The following RAB7B variants were observed in gnomAD, a reference collection of about 807,000 sequenced individuals.
RAB7B encodes the protein RAB7B, member RAS oncogene family.
In RAB7B at chr1:205,985,543, C is replaced by A; in HGVS notation, c.519G>T (p.Ser173=). ...AFEMLASRAL[S]RYQSILENHL... is the part of the protein sequence containing the mutation. ...TCCTGCCGCCACAGCCACTCACCCTCGACAGAGCCCTACTGGCCAGCATCT... is the reference window on the plus strand; with the variant it reads ...TCCTGCCGCCACAGCCACTCACCCTAGACAGAGCCCTACTGGCCAGCATCT... The change falls in exon 5 of 6, where the codon TCG becomes TCT. Residue 173 remains serine (S), a synonymous_variant. Coordinates refer to ENST00000617070, the MANE Select transcript of RAB7B (RefSeq NM_001164522.3). 2 of 398,878 alleles carry A rather than the reference C, an allele frequency of 5.0e-6. No individual in the cohort carries two copies. Among genetic ancestry groups the A allele is most frequent in the Non-Finnish European group, 4.4e-6 (1 of 226,212 alleles). 24.7% of individuals were successfully genotyped at this position (398,878 alleles called of 1,614,324 possible).
Position 205,978,802 on chromosome 1 carries a change from G to A in RAB7B, c.*49C>T. On this transcript the variant is annotated 3_prime_UTR_variant, in exon 6 of 6. Transcript: ENST00000617070. ...CCTGTTCTCAAGCCTGGGGTGACCA[G>A]GCTCGGGGCAGGCTCTGTTTCTGGG... 1 of 398,610 alleles carries A rather than the reference G, an allele frequency of 2.5e-6. No homozygotes were observed. Among genetic ancestry groups the A allele is most frequent in the Non-Finnish European group, 4.4e-6 (1 of 226,082 alleles). The allele number at this position is 398,610 out of a possible 1,614,324, so 24.7% of individuals were successfully genotyped here. A position where few individuals can be genotyped will look rare whatever the true frequency, so the allele number is the denominator to read the frequency against.
chr1:205,985,809 G>GTCCCCACCATC (rs1660592550), intron 4 of RAB7B, 144 bp from the exon 5 acceptor site: 1 of 131,098 alleles, frequency 7.6e-6, no homozygotes, highest in Non-Finnish European at 1.4e-5. Context: ...TCCCCACCAG[G>GTCCCCACCATC]CCCACCAGGC....
chr1:205,977,959 G>A lies in RAB7B; in HGVS notation c.*892C>T, dbSNP rs937627041. 0.031 allele frequency: 4,741 copies of A among 152,258 alleles called. 240 individuals carry two copies. Among genetic ancestry groups the A allele is most frequent in the African/African-American group, 0.11 (4,444 of 41,516 alleles). 9.4% of individuals were successfully genotyped at this position (152,258 alleles called of 1,614,324 possible). A position where few individuals can be genotyped will look rare whatever the true frequency, so the allele number is the denominator to read the frequency against. On this transcript the variant is annotated 3_prime_UTR_variant, in exon 6 of 6. Transcript: ENST00000617070. ...TTGGAAATATCTGTCTAGAGTCTGCGTCTCTCCCTCACCAGATGTCGGCTC... is the reference window on the plus strand; with the variant it reads ...TTGGAAATATCTGTCTAGAGTCTGCATCTCTCCCTCACCAGATGTCGGCTC...
chr1:205,997,995 C>G (rs1481661015), intron 1 of RAB7B, among the ~76,000 whole-genome samples: 2 of 152,180 alleles, frequency 1.3e-5, no homozygotes, highest in Non-Finnish European at 2.9e-5. Context: ...CTCCAAGAAG[C>G]TGAGTAATCA....
At chr1:205,980,794 T>C (rs1425522348) in intron 5 of RAB7B, among the ~76,000 whole-genome samples, 1 of 151,532 alleles carries the variant, frequency 6.6e-6, no homozygotes, top group East Asian at 1.9e-4. Flanking sequence ...AGGGATGGTA[T>C]TGCTAATTTT....
intron 5 of RAB7B, among the ~76,000 whole-genome samples, chr1:205,982,774 G>A (rs1456071321): frequency 2.0e-5 from 3 of 152,078 alleles, no homozygotes. Context: ...AAAACACCCT[G>A]GGCTGGAGCA....
chr1:205,985,437 C>A (rs1204415561), intron 5 of RAB7B, 103 bp downstream of exon 5: 14 of 397,326 alleles, frequency 3.5e-5, no homozygotes, highest in African/African-American at 2.7e-4. Flanking sequence ...TCCTGTCCCA[C>A]CCACATCCCT....
intron 1 of RAB7B, among the ~76,000 whole-genome samples, chr1:205,996,143 A>AGT (rs1182397777): frequency 0.041 from 5,833 of 142,762 alleles, 132 homozygotes; most frequent in Middle Eastern, 0.053. Context: ...GTAAATGTAT[A>AGT]GTGTGTGTGT....
At chr1:206,001,839 C>T (rs922250693) in intron 1 of RAB7B, among the ~76,000 whole-genome samples, 2 of 152,180 alleles carry the variant, frequency 1.3e-5, no homozygotes, top group African/African-American at 4.8e-5. Flanking sequence ...CTGGCACCAG[C>T]CCTCCAAGAA....
intron 5 of RAB7B, among the ~76,000 whole-genome samples, 171 bp from the exon 6 acceptor site, chr1:205,979,099 C>T (rs1164402454): frequency 1.3e-5 from 2 of 152,176 alleles, no homozygotes; most frequent in African/African-American, 4.8e-5. Context: ...CCTCCTTCTT[C>T]CCTGTGTCTC....
chr1:205,995,340 G>C (rs1414024736), intron 1 of RAB7B, among the ~76,000 whole-genome samples: 1 of 151,968 alleles, frequency 6.6e-6, no homozygotes, highest in Non-Finnish European at 1.5e-5. Context: ...CACTTGTATA[G>C]AAAAACGCCT....
chr1:205,987,223 G>A (rs897797813), intron 4 of RAB7B, among the ~76,000 whole-genome samples: 60 of 152,196 alleles, frequency 3.9e-4, no homozygotes, highest in African/African-American at 1.4e-3. Context: ...CCCAGAGACA[G>A]TTTCATGATT....
chr1:205,997,470 G>C (rs1660824590), intron 1 of RAB7B, among the ~76,000 whole-genome samples: 1 of 152,206 alleles, frequency 6.6e-6, no homozygotes, highest in Non-Finnish European at 1.5e-5. Context: ...TTGCTTCAGG[G>C]AAGGGTGAGG....
chr1:205,986,195 T>C (rs1660601137), intron 4 of RAB7B, among the ~76,000 whole-genome samples: 14 of 152,224 alleles, frequency 9.2e-5, no homozygotes. Context: ...GGCCTGTTGC[T>C]GGGCAGAGAC....
chr1:205,992,158 A>G (rs1038179918), intron 4 of RAB7B, among the ~76,000 whole-genome samples: 1 of 152,144 alleles, frequency 6.6e-6, no homozygotes, highest in East Asian at 1.9e-4. Context: ...TTCTCAGCTT[A>G]TATCATGCTG....
At chr1:205,980,213 G>A (rs1660464505) in intron 5 of RAB7B, among the ~76,000 whole-genome samples, 1 of 152,234 alleles carries the variant, frequency 6.6e-6, no homozygotes, top group Non-Finnish European at 1.5e-5. Context: ...ACCCTGGTAG[G>A]ATCTTGGGAC....
intron 5 of RAB7B, among the ~76,000 whole-genome samples, chr1:205,980,893 C>T (rs1364752557): frequency 6.9e-6 from 1 of 145,194 alleles, no homozygotes; most frequent in Non-Finnish European, 1.5e-5. Context: ...ACCTCCTCCG[C>T]TTCCCCTTCC....
intron 4 of RAB7B, among the ~76,000 whole-genome samples, chr1:205,987,743 AT>A (rs1378187323): frequency 2.0e-5 from 3 of 151,920 alleles, no homozygotes; most frequent in South Asian, 2.1e-4. Flanking sequence ...CTAATAAACT[AT>A]TTTTTTTCAA....
rs901743302 is a variant in RAB7B, at chr1:205,980,520, T to C, written c.523-1592A>G. Among the ~76,000 whole-genome samples the C allele has an allele frequency of 2.6e-3, 392 of 152,344 alleles. 1 individual carries two copies. The highest frequency in any genetic ancestry group is 8.3e-3 in the African/African-American group (345 of 41,568). On this transcript the variant is annotated intron_variant, in intron 5 of 5. Coordinates refer to ENST00000617070, the MANE Select transcript of RAB7B (RefSeq NM_001164522.3). ...TCTAACTGTACAAGTAATACAACAC[T>C]ATTCCAATGCTTGCAGCATTTCAGT...
Sources: allele counts gnomAD v4.1 joint callset (sites outside exome capture counted in the v4.1 genomes callset), GRCh38; gene constraint gnomAD v4.1.1; transcripts MANE v1.5; gene names NCBI Gene and HGNC (gene_info 2026-07-23, HGNC 2026-07-21).